MCTP1: variants seen among roughly 807,000 people sequenced by gnomAD.
MCTP1 encodes the protein multiple C2 and transmembrane domain containing 1.
Under a neutral mutation model 120.6 loss-of-function variants are expected in MCTP1, and 69 were observed. The ratio of observed to expected loss-of-function variants is 0.57; its 90% CI spans 0.47 to 0.70. The LOEUF is 0.70. Ranked by LOEUF, MCTP1 falls within the 30% of genes least tolerant of loss-of-function variation. MCTP1 has a pLI of 0.00. For synonymous variants in MCTP1, 529 were observed against 493.1 expected (o/e 1.07, Z -0.96); for missense variants, 1,203 against 1,248.8 (o/e 0.96, Z 0.55).
chr5:94,857,766 C>T (rs150709469), intron 17 of MCTP1, among the ~76,000 whole-genome samples: 2 of 151,736 alleles, frequency 1.3e-5, no homozygotes, highest in African/African-American at 2.4e-5. Context: ...TAAAACTGTG[C>T]ACCAAATGTA....
intron 12 of MCTP1, chr5:94,877,588 A>T (rs2153348520): frequency 6.6e-6 from 1 of 152,242 alleles, no homozygotes; most frequent in South Asian, 2.1e-4. Flanking sequence ...CTTTTCTGGC[A>T]ATCTTCAAAA....
At chr5:94,991,249 T>C (rs1325125473) in intron 2 of MCTP1, among the ~76,000 whole-genome samples, 3 of 152,228 alleles carry the variant, frequency 2.0e-5, no homozygotes, top group Non-Finnish European at 2.9e-5. Flanking sequence ...GGAGCAATGA[T>C]GTTCTATTTG....
At chr5:94,740,777 C>T (rs911575584) in intron 19 of MCTP1, among the ~76,000 whole-genome samples, 1 of 152,138 alleles carries the variant, frequency 6.6e-6, no homozygotes, top group Non-Finnish European at 1.5e-5. Context: ...CTTTTATGCT[C>T]TTGAGGAGTT....
intron 18 of MCTP1, among the ~76,000 whole-genome samples, chr5:94,798,570 G>A (rs1252455313): frequency 6.6e-6 from 1 of 151,946 alleles, no homozygotes; most frequent in Non-Finnish European, 1.5e-5. Context: ...ACATTTCCAG[G>A]TCAACAACCA....
chr5:95,050,094 G>A (rs1010410690), intron 1 of MCTP1, among the ~76,000 whole-genome samples: 2 of 151,288 alleles, frequency 1.3e-5, no homozygotes, highest in African/African-American at 4.9e-5. Flanking sequence ...GAAACATCTG[G>A]GAAACATGTC....
At chr5:94,754,686 CT>C (rs1219759703) in intron 19 of MCTP1, among the ~76,000 whole-genome samples, 5 of 115,660 alleles carry the variant, frequency 4.3e-5, no homozygotes, top group African/African-American at 7.3e-5. Flanking sequence ...AAAGCATATC[CT>C]TTTTTTATTA....
At chr5:95,249,535 T>C (rs371797120) in intron 1 of MCTP1, among the ~76,000 whole-genome samples, 1 of 152,056 alleles carries the variant, frequency 6.6e-6, no homozygotes, top group East Asian at 1.9e-4. Flanking sequence ...TGTGGAGAAA[T>C]AGGAACGCTT....
At chr5:95,054,666 T>A (rs1305933453) in intron 1 of MCTP1, among the ~76,000 whole-genome samples, 1 of 152,040 alleles carries the variant, frequency 6.6e-6, no homozygotes. Flanking sequence ...ATCCCCACCA[T>A]GTGAAAAAGA....
intron 1 of MCTP1, among the ~76,000 whole-genome samples, chr5:95,037,580 A>C (rs1841567236): frequency 6.6e-6 from 1 of 152,166 alleles, no homozygotes. Context: ...ATAAAAAATA[A>C]CATGGCCAGG....
In MCTP1 at chr5:94,755,965, C is replaced by T. The variant is rs146275570; in HGVS notation, c.2610+23145G>A. ...AGAAACAGAAGTAATTTTTTTCCCT[C>T]TAAAATCTATTCTTACTCAGACCTT... On this transcript the variant is annotated intron_variant, in intron 19 of 22. Transcript: ENST00000515393. Among the ~76,000 whole-genome samples, 544 of 152,278 alleles carry T rather than the reference C, an allele frequency of 3.6e-3. 3 individuals carry two copies. Among genetic ancestry groups the T allele is most frequent in the Non-Finnish European group, 5.2e-3 (356 of 68,018 alleles).
chr5:95,199,976 C>G (rs962871880), intron 1 of MCTP1, among the ~76,000 whole-genome samples: 1 of 151,954 alleles, frequency 6.6e-6, no homozygotes, highest in African/African-American at 2.4e-5. Context: ...GCCTGGCCAA[C>G]ATGGTGAAAC....
rs1751963774 is a variant in MCTP1, at chr5:95,208,701, C to G, written c.720+75155G>C. Among the ~76,000 whole-genome samples the G allele has an allele frequency of 2.7e-5, 4 of 149,390 alleles. No homozygotes were observed. In the South Asian group the frequency reaches 8.6e-4, roughly 32 times the overall value. Reference sequence around the variant, plus strand: ...ACAGTGTAGGACAAAAAAGAGATACCAAACCTGTTCATCTTCAACCCTTTC... The same window carrying G: ...ACAGTGTAGGACAAAAAAGAGATACGAAACCTGTTCATCTTCAACCCTTTC... On this transcript the variant is annotated intron_variant, in intron 1 of 22. Transcript: ENST00000515393.
chr5:95,218,680 T>C (rs1032047148), intron 1 of MCTP1, among the ~76,000 whole-genome samples: 1 of 152,198 alleles, frequency 6.6e-6, no homozygotes, highest in Non-Finnish European at 1.5e-5. Flanking sequence ...TAAGGATACA[T>C]TCTGAGAAAT....
intron 19 of MCTP1, among the ~76,000 whole-genome samples, chr5:94,753,048 G>T (rs146241801): frequency 7.2e-5 from 11 of 152,298 alleles, no homozygotes; most frequent in Non-Finnish European, 1.6e-4. Context: ...CTTGTTCAGG[G>T]GTTCACTGTG....
At chr5:95,035,267 T>C (rs1841075697) in intron 1 of MCTP1, among the ~76,000 whole-genome samples, 1 of 151,924 alleles carries the variant, frequency 6.6e-6, no homozygotes, top group African/African-American at 2.4e-5. Flanking sequence ...AAAACCTGCA[T>C]TTATATGTTT....
At chr5:95,019,069 T>G (rs1562026336) in intron 1 of MCTP1, among the ~76,000 whole-genome samples, 1 of 152,098 alleles carries the variant, frequency 6.6e-6, no homozygotes, top group Non-Finnish European at 1.5e-5. Flanking sequence ...ATCAACAATT[T>G]CTAGAAAAAC....
At chr5:95,199,713 G>C (rs773637287) in intron 1 of MCTP1, among the ~76,000 whole-genome samples, 8 of 151,064 alleles carry the variant, frequency 5.3e-5, no homozygotes, top group Non-Finnish European at 1.2e-4. Context: ...CTAAAAATTA[G>C]CCGGGTGTGG....
intron 2 of MCTP1, among the ~76,000 whole-genome samples, chr5:95,002,220 A>T (rs1046608486): frequency 6.6e-6 from 1 of 152,208 alleles, no homozygotes; most frequent in Non-Finnish European, 1.5e-5. Flanking sequence ...GCAGGGGTAG[A>T]GTCTTCCTGG....
intron 1 of MCTP1, among the ~76,000 whole-genome samples, chr5:95,035,261 C>T (rs138460755): frequency 2.0e-5 from 3 of 152,032 alleles, no homozygotes; most frequent in East Asian, 3.9e-4. Flanking sequence ...TTTAAAAAAA[C>T]CTGCATTTAT....
Sources: allele counts gnomAD v4.1 joint callset (sites outside exome capture counted in the v4.1 genomes callset), GRCh38; gene constraint gnomAD v4.1.1; transcripts MANE v1.5; gene names NCBI Gene and HGNC (gene_info 2026-07-23, HGNC 2026-07-21).